ULBP1: variants seen among roughly 807,000 people sequenced by gnomAD.
ULBP1 encodes the protein UL16 binding protein 1, also known as UL16-binding protein 1.
ULBP1 carries 28 observed loss-of-function variants against 25.3 expected under a neutral mutation model. The observed-to-expected ratio is 1.10, with a 90% CI of 0.82 to 1.51. The LOEUF (loss-of-function observed/expected upper bound fraction) is 1.51, where lower values mean the gene tolerates loss of function less well. ULBP1 is among the 40% of genes most tolerant of loss of function. The pLI is 0.00. For synonymous variants in ULBP1, 129 were observed against 103.0 expected (o/e 1.25, Z -1.53); for missense variants, 348 against 290.9 (o/e 1.20, Z -1.43).
rs1353946294 is a variant in ULBP1, at chr6:149,968,588, C to T, written c.86-19C>T. On this transcript the variant is annotated intron_variant, in intron 1 of 4. Transcript: ENST00000229708. Reference sequence around the variant, plus strand: ...CATTTCCCCCCACACCAACCCCCTCCTGTGTTTTTCTTCCACAGACACACA... The same window carrying T: ...CATTTCCCCCCACACCAACCCCCTCTTGTGTTTTTCTTCCACAGACACACA... 1.3e-6 allele frequency: 2 copies of T among 1,595,578 alleles called. No homozygotes were observed. Among genetic ancestry groups the T allele is most frequent in the East Asian group, 2.2e-5 (1 of 44,464 alleles).
rs1025359046 is a variant in ULBP1, at chr6:149,968,077, G to T, written c.86-530G>T. Among the ~76,000 whole-genome samples the T allele has an allele frequency of 4.6e-5, 7 of 152,182 alleles. 1 individual carries two copies. The highest frequency in any genetic ancestry group is 3.3e-4 in the Admixed American group (5 of 15,286). On this transcript the variant is annotated intron_variant, in intron 1 of 4. Coordinates refer to ENST00000229708, the MANE Select transcript of ULBP1 (RefSeq NM_025218.4). ...GCCCTGTGAACCATCCCTTTACAAG[G>T]TTCCAGAAATGCATGCTCATAGCAG...
chr6:149,970,218 C>G, intron 4 of ULBP1, 71 bp downstream of exon 4: 1 of 1,499,912 alleles, frequency 6.7e-7, no homozygotes, highest in South Asian at 1.3e-5. Flanking sequence ...AAGGAGAATT[C>G]CCAGAGTCCC....
chr6:149,969,905 G>A, intron 3 of ULBP1, 111 bp from the exon 4 acceptor site: 1 of 1,422,614 alleles, frequency 7.0e-7, no homozygotes, highest in Non-Finnish European at 9.5e-7. Context: ...CACAGCAGAG[G>A]GGGACAAAAG....
intron 1 of ULBP1, among the ~76,000 whole-genome samples, chr6:149,964,874 C>G (rs1417404890): frequency 9.0e-5 from 13 of 143,964 alleles, no homozygotes; most frequent in Non-Finnish European, 1.7e-4. Context: ...GCGGTCCCCC[C>G]GAACATCGCG....
At chr6:149,964,459 C>G (rs898846894) in intron 1 of ULBP1, among the ~76,000 whole-genome samples, 1 of 147,520 alleles carries the variant, frequency 6.8e-6, no homozygotes, top group African/African-American at 2.5e-5. Flanking sequence ...GCTTGCCCCT[C>G]AGGCCAGGAG....
chr6:149,970,517 C>T (rs56412455), intron 4 of ULBP1, among the ~76,000 whole-genome samples: 20,786 of 152,040 alleles, frequency 0.14, 2,620 homozygotes, highest in East Asian at 0.34. Context: ...GTAGCATGGC[C>T]ACTTCACCAA....
At chr6:149,967,345 G>T (rs4084449) in intron 1 of ULBP1, among the ~76,000 whole-genome samples, 2 of 152,198 alleles carry the variant, frequency 1.3e-5, no homozygotes, top group African/African-American at 4.8e-5. Flanking sequence ...CAGAGTGAAT[G>T]CCCATCTGGC....
In ULBP1 at chr6:149,973,205, T is replaced by A. The variant is rs550992824; in HGVS notation, c.*1859T>A. The stretch of plus-strand genomic sequence containing the variant: ...ACATGGATGCAACTAGAGGCTATTA[T>A]CCTAAGCAACCTAATGCAAGAACAG... On this transcript the variant is annotated 3_prime_UTR_variant, in exon 5 of 5. Coordinates refer to ENST00000229708, the MANE Select transcript of ULBP1 (RefSeq NM_025218.4). 3 of 152,310 alleles carry A rather than the reference T, an allele frequency of 2.0e-5. No individual in the cohort carries two copies. The South Asian group carries it at 6.2e-4, about 32-fold the overall frequency. 9.4% of individuals were successfully genotyped at this position (152,310 alleles called of 1,614,324 possible).
Position 149,973,610 on chromosome 6 carries a change from G to GTTGTATGATGATAATTGTATAAAAAT in ULBP1, c.*2287_*2312dup, listed in dbSNP as rs1342102646. On this transcript the variant is annotated 3_prime_UTR_variant, in exon 5 of 5. Transcript: ENST00000229708. ...ATCTAGTCATTTAAGATAATCATAA[G>GTTGTATGATGATAATTGTATAAAAAT]TTGTATGATGATAATTGTATAAAAA... The GTTGTATGATGATAATTGTATAAAAAT allele has an allele frequency of 6.6e-6, 1 of 152,124 alleles. No homozygotes were observed. The highest frequency in any genetic ancestry group is 6.5e-5 in the Admixed American group (1 of 15,274). The allele number at this position is 152,124 out of a possible 1,614,324, so 9.4% of individuals were successfully genotyped here.
rs371438032 is a variant in ULBP1 at position 149,968,887 on chromosome 6, C to A, written c.349+17C>A. ...TACCCATTGGTAAGTTTAAAATGGC[C>A]CAGGGAGCAGACACAGTAGTAACTT... On this transcript the variant is annotated intron_variant, in intron 2 of 4. Transcript: ENST00000229708. The A allele has an allele frequency of 3.1e-6, 5 of 1,609,744 alleles. No homozygotes were observed. Among genetic ancestry groups the A allele is most frequent in the Non-Finnish European group, 4.2e-6 (5 of 1,177,798 alleles).
In ULBP1 at chr6:149,969,188, T is replaced by C. The variant is rs1335387865; in HGVS notation, c.453T>C (p.Phe151=). The C allele has an allele frequency of 1.2e-6, 2 of 1,614,102 alleles. No individual in the cohort carries two copies. Among genetic ancestry groups the C allele is most frequent in the South Asian group, 2.2e-5 (2 of 91,094 alleles). Residue 151 remains phenylalanine, a synonymous_variant, in exon 3 of 5, where the codon TTT becomes TTC. Transcript: ENST00000229708. ...TCAATGGACAGAAGTTCCTCCTCTT[T>C]GACTCAAACAACAGAAAGTGGACAG... ...FLFNGQKFLL[F]DSNNRKWTAL...
At chr6:149,968,345 C>T (rs553585553) in intron 1 of ULBP1, among the ~76,000 whole-genome samples, 1 of 152,318 alleles carries the variant, frequency 6.6e-6, no homozygotes, top group East Asian at 1.9e-4. Flanking sequence ...CATGTGCTGA[C>T]TGATGTCGGC....
intron 1 of ULBP1, among the ~76,000 whole-genome samples, chr6:149,966,476 G>C (rs1162978550): frequency 6.6e-6 from 1 of 152,128 alleles, no homozygotes; most frequent in Non-Finnish European, 1.5e-5. Context: ...TTTGCTGCTG[G>C]GTGGCATCAT....
Position 149,964,149 on chromosome 6 carries a change from G to A in ULBP1, c.85+15G>A, listed in dbSNP as rs770777988. 3 of 1,614,098 alleles carry A rather than the reference G, an allele frequency of 1.9e-6. No individual in the cohort carries two copies. The highest frequency in any genetic ancestry group is 2.5e-6 in the Non-Finnish European group (3 of 1,179,964). The stretch of plus-strand genomic sequence containing the variant: ...AGGATGGGTCGGTGAGTTCGGGGAT[G>A]TAGCCTAAGCAGGGCGGGGGCCAAA... On this transcript the variant is annotated intron_variant, in intron 1 of 4. Coordinates refer to ENST00000229708, the MANE Select transcript of ULBP1 (RefSeq NM_025218.4).
Position 149,963,966 on chromosome 6 carries a change from G to A in ULBP1, c.-84G>A. 1 of 1,433,260 alleles carries A rather than the reference G, an allele frequency of 7.0e-7. No homozygotes were observed. Among genetic ancestry groups the A allele is most frequent in the South Asian group, 1.2e-5 (1 of 82,580 alleles). The allele number at this position is 1,433,260 out of a possible 1,614,324, so 88.8% of individuals were successfully genotyped here. ...GTGTATCCCTGCGCGCGGCGGGCCG[G>A]GCTGGGCAGCTTTATAAACAGCCGT... On this transcript the variant is annotated 5_prime_UTR_variant, in exon 1 of 5. Transcript: ENST00000229708.
chr6:149,970,003 G>T lies in ULBP1; in HGVS notation c.626-13G>T. On this transcript the variant is annotated splice_polypyrimidine_tract_variant and intron_variant, in intron 3 of 4. Coordinates refer to ENST00000229708, the MANE Select transcript of ULBP1 (RefSeq NM_025218.4). ...CCTGGACAAGGGTTGTCACTCCTGT[G>T]TTTCCATTTCAGAACCACCCTCTCT... is the stretch of plus-strand genomic sequence containing the variant. The T allele has an allele frequency of 6.2e-7, 1 of 1,605,778 alleles. No homozygotes were observed. Among genetic ancestry groups the T allele is most frequent in the Non-Finnish European group, 8.5e-7 (1 of 1,176,000 alleles).
At chr6:149,968,577 C>T in intron 1 of ULBP1, 30 bp from the exon 2 acceptor site, 1 of 1,588,366 alleles carries the variant, frequency 6.3e-7, no homozygotes. Context: ...TCCCCCCACA[C>T]CAACCCCCTC....
At chr6:149,965,765 T>C (rs1052209478) in intron 1 of ULBP1, among the ~76,000 whole-genome samples, 11 of 151,878 alleles carry the variant, frequency 7.2e-5, no homozygotes, top group Non-Finnish European at 4.4e-5. Flanking sequence ...CTTGCTACCC[T>C]TCCCCTCACC....
Position 149,968,698 on chromosome 6 carries a change from G to A in ULBP1, c.177G>A (p.Arg59=), listed in dbSNP as rs575290293. 6 of 1,614,110 alleles carry A rather than the reference G, an allele frequency of 3.7e-6. No homozygotes were observed. The highest frequency in any genetic ancestry group is 1.3e-5 in the African/African-American group (1 of 74,938). Residue 59 remains arginine, a synonymous_variant, in exon 2 of 5, where the codon AGG becomes AGA. Coordinates refer to ENST00000229708, the MANE Select transcript of ULBP1 (RefSeq NM_025218.4). Reference sequence around the variant, plus strand: ...AAGTTCAAGGCCTGGTGGATGAAAGGCCTTTTCTTCACTATGACTGTGTTA... The same window carrying A: ...AAGTTCAAGGCCTGGTGGATGAAAGACCTTTTCTTCACTATGACTGTGTTA... ...WCEVQGLVDE[R]PFLHYDCVNH...
Sources: allele counts gnomAD v4.1 joint callset (sites outside exome capture counted in the v4.1 genomes callset), GRCh38; gene constraint gnomAD v4.1.1; transcripts MANE v1.5; gene names NCBI Gene and HGNC (gene_info 2026-07-23, HGNC 2026-07-21).